RBPMS: variants seen among roughly 807,000 people sequenced by gnomAD.
RBPMS encodes RNA binding protein, mRNA processing factor.
Under a neutral mutation model 26.8 loss-of-function variants are expected in RBPMS, and 7 were observed. The ratio of observed to expected loss-of-function variants is 0.26; its 90% CI spans 0.15 to 0.49. RBPMS has a LOEUF of 0.49. Among genes scored for constraint, RBPMS ranks in the 20% least tolerant of loss-of-function variants. The pLI is 0.98. For synonymous variants in RBPMS, 96 were observed against 93.3 expected, an observed-to-expected ratio of 1.03 and a Z score of -0.17; for missense variants, 186 against 250.0, an observed-to-expected ratio of 0.74 and a Z score of 1.73.
chr8:30,550,268 A>G (rs1826248381), intron 6 of RBPMS, among the ~76,000 whole-genome samples: 1 of 152,156 alleles, frequency 6.6e-6, no homozygotes, highest in Admixed American at 6.5e-5. Flanking sequence ...CAGGCTCTGG[A>G]ACTCCCTGGC....
chr8:30,515,739 T>G (rs1822239489), intron 5 of RBPMS, among the ~76,000 whole-genome samples: 1 of 152,160 alleles, frequency 6.6e-6, no homozygotes, highest in Non-Finnish European at 1.5e-5. Flanking sequence ...CACTGCAGCC[T>G]CCAGCTCCTG....
intron 7 of RBPMS, among the ~76,000 whole-genome samples, chr8:30,560,201 G>A (rs979549989): frequency 2.0e-5 from 3 of 152,180 alleles, no homozygotes; most frequent in East Asian, 1.9e-4. Context: ...CTGAAGTCTC[G>A]GTTGGTGGGT....
intron 8 of RBPMS, among the ~76,000 whole-genome samples, chr8:30,566,751 T>C (rs1827915273): frequency 6.6e-6 from 1 of 152,222 alleles, no homozygotes; most frequent in Non-Finnish European, 1.5e-5. Context: ...GAAATCTGTT[T>C]CAGATGTAAT....
intron 4 of RBPMS, among the ~76,000 whole-genome samples, chr8:30,479,582 G>T (rs1818062500): frequency 6.6e-6 from 1 of 152,118 alleles, no homozygotes; most frequent in African/African-American, 2.4e-5. Context: ...TCTGCTTTTT[G>T]ATTGCTCTGA....
At chr8:30,566,656 G>A (rs981526018) in intron 8 of RBPMS, among the ~76,000 whole-genome samples, 3 of 152,232 alleles carry the variant, frequency 2.0e-5, no homozygotes, top group Non-Finnish European at 4.4e-5. Context: ...CCTGGAGTGA[G>A]GGATTCCACC....
At chr8:30,480,908 A>G (rs1801032759) in intron 4 of RBPMS, among the ~76,000 whole-genome samples, 1 of 152,192 alleles carries the variant, frequency 6.6e-6, no homozygotes, top group African/African-American at 2.4e-5. Context: ...AGTTTTCACC[A>G]TGTTCTTTTC....
At position 30,384,929 on chromosome 8, in the gene RBPMS, A is replaced by T; in HGVS notation, c.-164A>T. ...GACTCGCCGCGGGAGCCCCAGCCCA[A>T]CCCGAGCCCGACAGCCACTGCCCCG... On this transcript the variant is annotated 5_prime_UTR_variant, in exon 1 of 9. Coordinates refer to ENST00000397323, the MANE Select transcript of RBPMS (RefSeq NM_001008710.3). This position sits in a 1 kb window ranked among gnomAD's most constrained non-coding sequence, Gnocchi z 5.6. 4.8e-6 allele frequency: 2 copies of T among 412,828 alleles called. No individual in the cohort carries two copies. Among genetic ancestry groups the T allele is most frequent in the Non-Finnish European group, 4.1e-6 (1 of 243,902 alleles). 25.6% of individuals were successfully genotyped at this position (412,828 alleles called of 1,614,324 possible). A position where few individuals can be genotyped will look rare whatever the true frequency, so the allele number is the denominator to read the frequency against.
chr8:30,458,575 A>C (rs1393546784), intron 1 of RBPMS, among the ~76,000 whole-genome samples: 4 of 152,178 alleles, frequency 2.6e-5, no homozygotes, highest in Non-Finnish European at 2.9e-5. Flanking sequence ...GAAAAAAAAA[A>C]CAAAAAACAA....
At chr8:30,554,480 A>C (rs1315392545) in intron 6 of RBPMS, among the ~76,000 whole-genome samples, 1 of 152,238 alleles carries the variant, frequency 6.6e-6, no homozygotes, top group Non-Finnish European at 1.5e-5. Context: ...ACACATATCA[A>C]GAAACTGCTG....
chr8:30,449,430 G>T (rs1284951494), intron 1 of RBPMS, among the ~76,000 whole-genome samples: 1 of 146,016 alleles, frequency 6.8e-6, no homozygotes, highest in African/African-American at 2.6e-5. Flanking sequence ...GAGTGCAATG[G>T]CACGATTTCA....
intron 5 of RBPMS, among the ~76,000 whole-genome samples, chr8:30,533,132 C>T (rs1254303329): frequency 1.3e-5 from 2 of 152,070 alleles, no homozygotes; most frequent in Non-Finnish European, 2.9e-5. Flanking sequence ...TAAGAATTAG[C>T]CTCATTTTAT....
At chr8:30,521,939 A>G (rs1288260776) in intron 5 of RBPMS, among the ~76,000 whole-genome samples, 1 of 152,196 alleles carries the variant, frequency 6.6e-6, no homozygotes, top group East Asian at 1.9e-4. Context: ...GGTCAAAAGA[A>G]ACAAATTTTC....
intron 5 of RBPMS, among the ~76,000 whole-genome samples, chr8:30,525,444 C>T (rs1347528185): frequency 1.3e-5 from 2 of 152,158 alleles, no homozygotes; most frequent in East Asian, 3.8e-4. Context: ...CCCACAACTC[C>T]CTATTTATAT....
chr8:30,491,621 T>A (rs1819404055), intron 4 of RBPMS, among the ~76,000 whole-genome samples: 1 of 152,170 alleles, frequency 6.6e-6, no homozygotes, highest in East Asian at 1.9e-4. Flanking sequence ...GGCAACTGTT[T>A]TTTTTCAATT....
chr8:30,478,225 A>G (rs1414774198), intron 3 of RBPMS, among the ~76,000 whole-genome samples: 3 of 152,238 alleles, frequency 2.0e-5, no homozygotes, highest in African/African-American at 7.2e-5. Flanking sequence ...AAACCCCTAA[A>G]TTAAGGCAGA....
chr8:30,455,896 TAAATAA>T (rs1467451914), intron 1 of RBPMS, among the ~76,000 whole-genome samples: 3 of 151,740 alleles, frequency 2.0e-5, no homozygotes, highest in Admixed American at 6.6e-5. Context: ...TCTCAAAAAA[TAAATAA>T]AAATAAATAA....
rs142958544 is a variant in RBPMS, at chr8:30,560,494, A to C, written c.*7+1538A>C. Among the ~76,000 whole-genome samples the C allele has an allele frequency of 7.1e-3, 1,086 of 152,302 alleles. 17 individuals carry two copies. Among genetic ancestry groups the C allele is most frequent in the African/African-American group, 0.025 (1,022 of 41,548 alleles). Reference sequence around the variant, plus strand: ...GGCAGGGATAGGAAAGTTGAGAGAGAGCGCTCTGTGCTTTAGGACATCAGC... The same window carrying C: ...GGCAGGGATAGGAAAGTTGAGAGAGCGCGCTCTGTGCTTTAGGACATCAGC... On this transcript the variant is annotated intron_variant, in intron 7 of 8. Transcript: ENST00000397323.
intron 5 of RBPMS, among the ~76,000 whole-genome samples, chr8:30,525,756 C>T (rs1456548586): frequency 6.6e-6 from 1 of 152,144 alleles, no homozygotes; most frequent in African/African-American, 2.4e-5. Context: ...GTGGCACAGC[C>T]CTAGGCCAGG....
intron 1 of RBPMS, among the ~76,000 whole-genome samples, chr8:30,413,686 C>T (rs1408934938): frequency 3.3e-5 from 5 of 152,054 alleles, no homozygotes; most frequent in African/African-American, 1.2e-4. Flanking sequence ...GATCTCGGCT[C>T]AGTGCAACCT....
Sources: gnomAD v4.1 joint callset for allele counts (sites outside exome capture counted in the v4.1 genomes callset) on GRCh38, gnomAD v4.1.1 for gene constraint, Gnocchi (gnomAD v3.1) non-coding constraint, MANE v1.5 for transcripts, NCBI Gene and HGNC (gene_info 2026-07-23, HGNC 2026-07-21) for gene names.